The following HUWE1 variants were observed in gnomAD, a reference collection of about 807,000 sequenced individuals.
The protein encoded by HUWE1 is HECT, UBA and WWE domain containing E3 ubiquitin protein ligase 1.
In HUWE1, 18 loss-of-function variants were observed where a neutral mutation model predicts 299.4. The ratio of observed to expected loss-of-function variants is 0.06; its 90% CI spans 0.04 to 0.09. The LOEUF is 0.09. Ranked by LOEUF, HUWE1 falls within the 10% of genes least tolerant of loss-of-function variation. HUWE1 has a pLI of 1.00. For missense variants in HUWE1, 1,832 were observed against 3,462.3 expected (o/e 0.53, Z 11.82); for synonymous variants, 1,317 against 1,286.1 (o/e 1.02, Z -0.51).
At chrX:53,629,680 A>C in intron 12 of HUWE1, 64 bp from the exon 13 acceptor site, 2 of 699,873 alleles carry the variant, frequency 2.9e-6, no homozygotes, top group Non-Finnish European at 4.5e-6. Flanking sequence ...CCCAATAACA[A>C]ACTTTTTGGT....
At chrX:53,563,540 C>G (rs1602670728) in intron 52 of HUWE1, among the ~76,000 whole-genome samples, 1 of 111,322 alleles carries the variant, frequency 9.0e-6, no homozygotes, top group Non-Finnish European at 1.9e-5. Flanking sequence ...CCACCTCCCC[C>G]ACACAGGCAA....
At chrX:53,648,422 T>C (rs899717880) in intron 4 of HUWE1, 112 bp from the exon 5 acceptor site, 6 of 497,576 alleles carry the variant, frequency 1.2e-5, no homozygotes, top group Admixed American at 8.3e-5. Flanking sequence ...TTTGCTAGGA[T>C]TTACTACTTA....
intron 3 of HUWE1, among the ~76,000 whole-genome samples, chrX:53,667,234 A>C (rs1356597592): frequency 8.9e-6 from 1 of 112,701 alleles, no homozygotes; most frequent in Non-Finnish European, 1.9e-5. Flanking sequence ...TACAGAGTAT[A>C]TCTTTAAGCA....
chrX:53,578,634 A>T (rs1300523784), intron 43 of HUWE1, among the ~76,000 whole-genome samples: 2 of 31,991 alleles, frequency 6.3e-5, no homozygotes, highest in African/African-American at 2.7e-4. Context: ...GAGGTGGGGG[A>T]GTCAGCCCCC....
intron 3 of HUWE1, among the ~76,000 whole-genome samples, chrX:53,671,724 GC>G (rs1421145247): frequency 9.4e-6 from 1 of 106,362 alleles, no homozygotes; most frequent in African/African-American, 3.4e-5. Flanking sequence ...ACCCCGGGGG[GC>G]GGAGCCTGCA....
intron 4 of HUWE1, among the ~76,000 whole-genome samples, chrX:53,653,302 A>C (rs1328198174): frequency 1.8e-5 from 2 of 112,350 alleles, no homozygotes; most frequent in African/African-American, 6.5e-5. Context: ...TATGCTAAGC[A>C]ATTGCCTCAC....
At chrX:53,607,805 T>C in intron 24 of HUWE1, 106 bp from the exon 25 acceptor site, 1 of 529,956 alleles carries the variant, frequency 1.9e-6, no homozygotes, top group East Asian at 3.6e-5. Flanking sequence ...ATTAGTGTTT[T>C]CTATAGAGTA....
At chrX:53,581,718 G>C (rs1391494272) in intron 42 of HUWE1, among the ~76,000 whole-genome samples, 14 of 109,337 alleles carry the variant, frequency 1.3e-4, no homozygotes, top group African/African-American at 4.4e-4. Flanking sequence ...TATACCCTCT[G>C]TATCTTGCCT....
At chrX:53,657,271 T>TAA (rs1256724968) in intron 3 of HUWE1, among the ~76,000 whole-genome samples, 2 of 112,319 alleles carry the variant, frequency 1.8e-5, no homozygotes, top group East Asian at 5.6e-4. Context: ...CATTCCCCCT[T>TAA]AAATAATCAC....
At chrX:53,611,946 C>G (rs1557002761) in intron 23 of HUWE1, among the ~76,000 whole-genome samples, 2 of 110,426 alleles carry the variant, frequency 1.8e-5, no homozygotes, top group Non-Finnish European at 3.8e-5. Context: ...CAAATGAGAG[C>G]ATGGGAAACA....
chrX:53,573,890 T>TCTGTTTGCCTTC lies in HUWE1; in HGVS notation c.6160_6171dup (p.Glu2054_Gln2057dup). The TCTGTTTGCCTTC allele has an allele frequency of 1.7e-6, 2 of 1,211,690 alleles. No homozygotes were observed. Among genetic ancestry groups the TCTGTTTGCCTTC allele is most frequent in the Non-Finnish European group, 2.2e-6 (2 of 895,304 alleles). ...ATTAAAGGTTTGCTGCCCTTGCCTT[T>TCTGTTTGCCTTC]CTGTTTGCCTTCCTCAGAGGCCCGG... On this transcript the variant is annotated inframe_insertion, in exon 47 of 84. Transcript: ENST00000262854.
intron 7 of HUWE1, among the ~76,000 whole-genome samples, chrX:53,636,713 C>T (rs1557026720): frequency 9.0e-6 from 1 of 111,702 alleles, no homozygotes. Flanking sequence ...CAGAGTGAGA[C>T]CCCAAAAAAG....
chrX:53,596,563 C>T (rs932771503), intron 29 of HUWE1, among the ~76,000 whole-genome samples: 2 of 112,131 alleles, frequency 1.8e-5, no homozygotes. Flanking sequence ...TTTGTAGCCA[C>T]GACCTGCTGA....
chrX:53,564,626 T>G lies in HUWE1; in HGVS notation c.6977A>C (p.Asp2326Ala). 8.3e-7 allele frequency: 1 copy of G among 1,211,390 alleles called. No homozygotes were observed. Among genetic ancestry groups the G allele is most frequent in the Non-Finnish European group, 1.1e-6 (1 of 895,452 alleles). Residue 2326 changes from aspartate to alanine, a missense_variant, in exon 51 of 84, where the codon GAC (aspartate) becomes GCC (alanine). Asp to Ala is a moderately radical substitution (Grantham distance 126, BLOSUM62 -2). Around this residue, in one of 15 missense-constraint regions of HUWE1, gnomAD observed 170 missense variants for 335.8 expected, o/e 0.51. Transcript: ENST00000262854. ...AGGCTGCCCAGCAATCACCACTGAG[T>G]CGGTTTCAGCCTCCCCATCCATGAT... Reference protein sequence around the residue: ...GDIMDGEAETDSVVIAGQPEV... With the variant: ...GDIMDGEAETASVVIAGQPEV...
At chrX:53,673,401 G>A (rs1439875445) in intron 3 of HUWE1, among the ~76,000 whole-genome samples, 1 of 111,490 alleles carries the variant, frequency 9.0e-6, no homozygotes, top group Non-Finnish European at 1.9e-5. Context: ...TGCGGCTCAA[G>A]TTTAAACATG....
chrX:53,616,024 C>G (rs1463578109), intron 21 of HUWE1, among the ~76,000 whole-genome samples, 189 bp from the exon 22 acceptor site: 4 of 110,895 alleles, frequency 3.6e-5, no homozygotes, highest in African/African-American at 1.3e-4. Context: ...GCGATCCTCC[C>G]ACCTCAGCCC....
At chrX:53,562,674 C>T (rs1289690192) in intron 53 of HUWE1, among the ~76,000 whole-genome samples, 157 bp downstream of exon 53, 2 of 112,353 alleles carry the variant, frequency 1.8e-5, no homozygotes, top group African/African-American at 6.5e-5. Context: ...ATTTGAAAAA[C>T]TGGCTGAGGA....
chrX:53,549,862 C>T (rs2061696338), intron 66 of HUWE1, among the ~76,000 whole-genome samples: 1 of 108,995 alleles, frequency 9.2e-6, no homozygotes, highest in African/African-American at 3.4e-5. Flanking sequence ...AAGTGATTCT[C>T]GTGCCTCAGC....
chrX:53,538,724 A>ACACACTCTCTCT (rs1556915582), intron 76 of HUWE1, 111 bp downstream of exon 76: 2 of 425,420 alleles, frequency 4.7e-6, no homozygotes, highest in Non-Finnish European at 8.0e-6. Flanking sequence ...ACACACACAC[A>ACACACTCTCTCT]CTCTCTCTCT....
Sources: allele counts gnomAD v4.1 joint callset (sites outside exome capture counted in the v4.1 genomes callset), GRCh38; gene constraint gnomAD v4.1.1; regional missense constraint gnomAD v4.1.1; transcripts MANE v1.5; gene names NCBI Gene and HGNC (gene_info 2026-07-23, HGNC 2026-07-21).